The following PRPF18 variants were observed in gnomAD, a reference collection of about 807,000 sequenced individuals.
PRPF18 encodes the protein pre-mRNA-splicing factor 18.
A neutral mutation model predicts 46.5 loss-of-function variants in PRPF18; 38 were observed. That is an observed-to-expected ratio of 0.82 (90% CI 0.63 to 1.07). The LOEUF (loss-of-function observed/expected upper bound fraction) is 1.07. Ranked by LOEUF, PRPF18 falls within the 50% of genes least tolerant of loss-of-function variation. The pLI is 0.00. For synonymous variants in PRPF18, 152 were observed against 146.7 expected (o/e 1.04, Z -0.26); for missense variants, 263 against 410.0 (o/e 0.64, Z 3.10).
chr10:13,587,283 C>T, intron 1 of PRPF18, 131 bp downstream of exon 1: 3 of 919,126 alleles, frequency 3.3e-6, no homozygotes, highest in Non-Finnish European at 5.2e-6. Context: ...CTGCCACTAC[C>T]CCTGGTAGGC....
chr10:13,643,652 C>T, the PRPF18 span: 1 of 152,760 alleles, frequency 6.5e-6, no homozygotes, highest in Admixed American at 6.5e-5. Context: ...AGTGCACACG[C>T]AAGCATTTAT....
the PRPF18 span, chr10:13,639,004 A>G: frequency 6.6e-6 from 1 of 152,190 alleles, no homozygotes; most frequent in Non-Finnish European, 1.5e-5. Flanking sequence ...GACCTTCAAA[A>G]TCATCAAGTG....
chr10:13,618,615 CAAAAAAAAAA>C (rs68069523), intron 9 of PRPF18, among the ~76,000 whole-genome samples: 28 of 39,988 alleles, frequency 7.0e-4, no homozygotes, highest in African/African-American at 2.4e-3. Context: ...AAGACCCTGT[CAAAAAAAAAA>C]AAAAAAAAAA....
the PRPF18 span, chr10:13,647,823 T>C: frequency 2.0e-5 from 3 of 151,584 alleles, no homozygotes; most frequent in Non-Finnish European, 2.9e-5. Context: ...ATCATAGATA[T>C]GTGGAAGCCA....
chr10:13,614,204 T>C (rs760183239), intron 8 of PRPF18, 118 bp downstream of exon 8: 29 of 795,904 alleles, frequency 3.6e-5, no homozygotes, highest in African/African-American at 5.3e-5. Context: ...AAATGTGAGA[T>C]GAGTTAGTAG....
chr10:13,590,121 T>TAA (rs5783335), intron 1 of PRPF18, among the ~76,000 whole-genome samples: 186 of 149,476 alleles, frequency 1.2e-3, no homozygotes, highest in Admixed American at 1.8e-3. Context: ...AAATGATCAT[T>TAA]AAAAAAAAAA....
chr10:13,607,147 G>A (rs1010683729), intron 4 of PRPF18, among the ~76,000 whole-genome samples: 6 of 152,118 alleles, frequency 3.9e-5, no homozygotes, highest in Non-Finnish European at 7.3e-5. Context: ...GCTGGAATGC[G>A]GTGGCATAAT....
chr10:13,618,972 A>G (rs984311032), intron 9 of PRPF18, among the ~76,000 whole-genome samples: 1 of 152,156 alleles, frequency 6.6e-6, no homozygotes, highest in Non-Finnish European at 1.5e-5. Flanking sequence ...TTTTCCATGG[A>G]TCGGGGAGGT....
At chr10:13,594,095 G>C (rs557636904) in intron 1 of PRPF18, among the ~76,000 whole-genome samples, 1 of 152,232 alleles carries the variant, frequency 6.6e-6, no homozygotes, top group South Asian at 2.1e-4. Flanking sequence ...TATTTACATA[G>C]GACACATTTA....
downstream of PRPF18, among the ~76,000 whole-genome samples, chr10:13,634,316 A>G (rs1385590096): frequency 1.3e-5 from 2 of 152,082 alleles, no homozygotes; most frequent in African/African-American, 2.4e-5. Flanking sequence ...GTAAGCACCA[A>G]CTTCCTCAAC....
intron 2 of PRPF18, 131 bp from the exon 3 acceptor site, chr10:13,600,113 T>C: frequency 1.5e-6 from 1 of 686,912 alleles, no homozygotes; most frequent in Non-Finnish European, 2.3e-6. Flanking sequence ...TTGTGAGCTC[T>C]TTGCTCAGAG....
the PRPF18 span, chr10:13,654,147 A>T: frequency 1.8e-6 from 1 of 540,968 alleles, no homozygotes. Context: ...AAAGAAGCAC[A>T]GTCCCACTTC....
intron 2 of PRPF18, 27 bp downstream of exon 2, chr10:13,597,562 T>C: frequency 6.2e-7 from 1 of 1,600,722 alleles, no homozygotes; most frequent in Admixed American, 1.7e-5. Flanking sequence ...TTATGTTAAA[T>C]TGTACATTTC....
chr10:13,641,222 G>A, the PRPF18 span: 1 of 152,240 alleles, frequency 6.6e-6, no homozygotes, highest in Admixed American at 6.5e-5. Context: ...TGAGGTGTGA[G>A]GAAAGGAAAG....
At chr10:13,611,733 A>C in intron 6 of PRPF18, 50 bp downstream of exon 6, 1 of 1,526,770 alleles carries the variant, frequency 6.5e-7, no homozygotes, top group Admixed American at 1.8e-5. Flanking sequence ...CTTATGAACT[A>C]TTCTTATATT....
At chr10:13,608,008 A>G (rs766294034) in intron 4 of PRPF18, among the ~76,000 whole-genome samples, 2 of 152,132 alleles carry the variant, frequency 1.3e-5, no homozygotes, top group African/African-American at 2.4e-5. Context: ...TGCTTTCTCA[A>G]TTATTGAGAG....
chr10:13,587,910 G>C (rs1250858512), intron 1 of PRPF18, among the ~76,000 whole-genome samples: 1 of 152,054 alleles, frequency 6.6e-6, no homozygotes, highest in Admixed American at 6.5e-5. Context: ...CCTTCTTTCC[G>C]GTAACCACTT....
chr10:13,630,892 C>A (rs1227934505), downstream of PRPF18: 1 of 152,130 alleles, frequency 6.6e-6, no homozygotes, highest in Non-Finnish European at 1.5e-5. Flanking sequence ...ATTTTTCTTG[C>A]ATTTCAAAGC....
At chr10:13,610,693 C>T (rs915543421) in intron 5 of PRPF18, among the ~76,000 whole-genome samples, 2 of 152,140 alleles carry the variant, frequency 1.3e-5, no homozygotes, top group Non-Finnish European at 2.9e-5. Flanking sequence ...TCTCTCCTAC[C>T]ACAAACAGCT....
Sources: gnomAD v4.1 joint callset for allele counts (sites outside exome capture counted in the v4.1 genomes callset) on GRCh38, gnomAD v4.1.1 for gene constraint, MANE v1.5 for transcripts, NCBI Gene and HGNC (gene_info 2026-07-23, HGNC 2026-07-21) for gene names.